STK24: variants seen among roughly 807,000 people sequenced by gnomAD.
STK24 encodes serine/threonine-protein kinase 24.
STK24 carries 21 observed loss-of-function variants against 55.6 expected under a neutral mutation model. The ratio of observed to expected loss-of-function variants is 0.38; its 90% CI spans 0.27 to 0.54. The LOEUF (loss-of-function observed/expected upper bound fraction) is 0.54, where lower values mean the gene tolerates loss of function less well. STK24 is among the 20% of genes least tolerant of loss of function. The pLI is 0.79. For missense variants in STK24, 383 were observed against 538.4 expected (o/e 0.71, Z 2.86); for synonymous variants, 200 against 215.2 (o/e 0.93, Z 0.62).
intron 1 of STK24, among the ~76,000 whole-genome samples, chr13:98,520,138 C>CA (rs1244936405): frequency 2.0e-5 from 3 of 151,792 alleles, no homozygotes; most frequent in Admixed American, 2.0e-4. Flanking sequence ...GGCTAGCTGT[C>CA]AGAGCTCAAG....
At chr13:98,554,097 G>C (rs544499860) in intron 1 of STK24, among the ~76,000 whole-genome samples, 1 of 151,556 alleles carries the variant, frequency 6.6e-6, no homozygotes, top group Non-Finnish European at 1.5e-5. Flanking sequence ...AGGAAAGAAG[G>C]GGGAGGAAGC....
chr13:98,480,525 C>A (rs1044761520), intron 3 of STK24, among the ~76,000 whole-genome samples: 1 of 152,156 alleles, frequency 6.6e-6, no homozygotes, highest in Non-Finnish European at 1.5e-5. Flanking sequence ...AATCCCACTA[C>A]ATTGCTGTTT....
chr13:98,555,167 CCTGCTCTTTACAGAGTGAACG>C (rs1373254056), intron 1 of STK24, among the ~76,000 whole-genome samples: 2 of 152,124 alleles, frequency 1.3e-5, no homozygotes, highest in Non-Finnish European at 2.9e-5. Flanking sequence ...ATAATCATGA[CCTGCTCTTTACAGAGTGAACG>C]CTGAGCTCAT....
chr13:98,503,603 G>C (rs1278164465), intron 2 of STK24, among the ~76,000 whole-genome samples: 2 of 152,190 alleles, frequency 1.3e-5, no homozygotes, highest in African/African-American at 4.8e-5. Context: ...TGGGAGACGT[G>C]GAAAGGAGAA....
intron 1 of STK24, among the ~76,000 whole-genome samples, chr13:98,536,003 A>C (rs1156469480): frequency 6.6e-6 from 1 of 152,268 alleles, no homozygotes; most frequent in Non-Finnish European, 1.5e-5. Flanking sequence ...TGGTGTATGC[A>C]GATTTCAATT....
At chr13:98,487,124 C>T (rs1455101698) in intron 2 of STK24, among the ~76,000 whole-genome samples, 2 of 152,196 alleles carry the variant, frequency 1.3e-5, no homozygotes, top group African/African-American at 2.4e-5. Context: ...CAATGATTCA[C>T]GTATTCTGCA....
At chr13:98,458,573 C>T (rs747859988) in intron 9 of STK24, among the ~76,000 whole-genome samples, 7 of 152,284 alleles carry the variant, frequency 4.6e-5, no homozygotes, top group South Asian at 4.1e-4. Context: ...GGCGGCCACT[C>T]GTGTTTGTCT....
chr13:98,543,823 G>A (rs1211235214), intron 1 of STK24, among the ~76,000 whole-genome samples: 3 of 152,194 alleles, frequency 2.0e-5, no homozygotes, highest in South Asian at 2.1e-4. Flanking sequence ...GCCAGAAGCT[G>A]CCATCCACGA....
intron 1 of STK24, among the ~76,000 whole-genome samples, chr13:98,523,284 C>T (rs1342925432): frequency 1.3e-5 from 2 of 152,196 alleles, no homozygotes; most frequent in African/African-American, 4.8e-5. Flanking sequence ...GTGGCCTTTC[C>T]TTTCTGAGAC....
chr13:98,499,849 G>T (rs548144069), intron 2 of STK24, among the ~76,000 whole-genome samples: 53 of 152,334 alleles, frequency 3.5e-4, no homozygotes, highest in African/African-American at 1.3e-3. Flanking sequence ...AGGACTAAAT[G>T]CAGGAGCGTG....
intron 7 of STK24, among the ~76,000 whole-genome samples, chr13:98,462,623 C>A (rs1388513785): frequency 3.3e-5 from 5 of 152,160 alleles, no homozygotes; most frequent in African/African-American, 1.2e-4. Flanking sequence ...CATGCCCCAA[C>A]TGACACCCTT....
chr13:98,492,585 G>A (rs1281274819), intron 2 of STK24, among the ~76,000 whole-genome samples: 2 of 152,184 alleles, frequency 1.3e-5, no homozygotes, highest in South Asian at 2.1e-4. Context: ...GGCTTGAGCT[G>A]GGAAAGCAGG....
chr13:98,542,866 T>G, intron 1 of STK24: 1 of 985,446 alleles, frequency 1.0e-6, no homozygotes, highest in Non-Finnish European at 1.2e-6. Flanking sequence ...AAGAGGTCAG[T>G]TGAAATCTAG....
intron 5 of STK24, 96 bp from the exon 6 acceptor site, chr13:98,466,657 G>A: frequency 2.2e-6 from 3 of 1,358,844 alleles, no homozygotes; most frequent in South Asian, 2.9e-5. Flanking sequence ...CAATACTTCT[G>A]AGGTTTTGAA....
At chr13:98,573,695 A>T (rs1897799935) in intron 1 of STK24, among the ~76,000 whole-genome samples, 2 of 152,252 alleles carry the variant, frequency 1.3e-5, no homozygotes, top group Admixed American at 1.3e-4. Context: ...CTAACTAGCA[A>T]TGAGATAAAC....
At chr13:98,479,281 C>T (rs1446249474) in intron 3 of STK24, among the ~76,000 whole-genome samples, 1 of 152,170 alleles carries the variant, frequency 6.6e-6, no homozygotes, top group Middle Eastern at 3.2e-3. Context: ...TTCCATTTAC[C>T]ATTTTATTTT....
chr13:98,455,663 C>A (rs775364719), intron 10 of STK24: 1 of 152,312 alleles, frequency 6.6e-6, no homozygotes, highest in Non-Finnish European at 1.5e-5. Flanking sequence ...GAATGGGAAA[C>A]GTGGATCAGT....
intron 2 of STK24, among the ~76,000 whole-genome samples, chr13:98,484,308 G>A (rs977910134): frequency 6.6e-6 from 1 of 152,188 alleles, no homozygotes; most frequent in Non-Finnish European, 1.5e-5. Context: ...TTTTCCCTAA[G>A]AGAGCTGGGA....
intron 2 of STK24, among the ~76,000 whole-genome samples, chr13:98,491,231 C>A (rs139079032): frequency 4.7e-4 from 71 of 152,312 alleles, no homozygotes; most frequent in African/African-American, 1.6e-3. Flanking sequence ...TCTCTGCTGA[C>A]CCTAAACTAA....
Sources: allele counts gnomAD v4.1 joint callset (sites outside exome capture counted in the v4.1 genomes callset), GRCh38; gene constraint gnomAD v4.1.1; transcripts MANE v1.5; gene names NCBI Gene and HGNC (gene_info 2026-07-23, HGNC 2026-07-21).